Variants in TTC17 observed in about 807,000 individuals in gnomAD.
TTC17 encodes tetratricopeptide repeat protein 17.
Under a neutral mutation model 143.8 loss-of-function variants are expected in TTC17, and 58 were observed. The ratio of observed to expected loss-of-function variants is 0.40; its 90% CI spans 0.33 to 0.50. The LOEUF is 0.50. TTC17 is among the 20% of genes least tolerant of loss of function. TTC17 has a pLI of 0.49. For synonymous variants in TTC17, 501 were observed against 497.8 expected, an observed-to-expected ratio of 1.01 and a Z score of -0.09; for missense variants, 1,273 against 1,392.5, an observed-to-expected ratio of 0.91 and a Z score of 1.37.
At chr11:43,380,543 C>T (rs1856925904) in intron 2 of TTC17, among the ~76,000 whole-genome samples, 1 of 151,658 alleles carries the variant, frequency 6.6e-6, no homozygotes, top group African/African-American at 2.4e-5. Flanking sequence ...GCATGAGTCA[C>T]CGTGCCCGGC....
intron 21 of TTC17, chr11:43,486,402 A>G (rs1256554936): frequency 2.2e-6 from 1 of 453,570 alleles, no homozygotes; most frequent in Non-Finnish European, 4.4e-6. Flanking sequence ...ACTGGATGCT[A>G]TCCATGGTTT....
intron 1 of TTC17, among the ~76,000 whole-genome samples, chr11:43,377,161 C>T (rs1175888345): frequency 6.6e-6 from 1 of 152,100 alleles, no homozygotes; most frequent in South Asian, 2.1e-4. Flanking sequence ...GGCGTAGTGG[C>T]GGACGCCTGT....
chr11:43,401,980 A>AAAATAAATAAATAAATAAAT (rs35991566), intron 10 of TTC17, among the ~76,000 whole-genome samples: 2 of 140,366 alleles, frequency 1.4e-5, no homozygotes. Flanking sequence ...TGTGTCTCAA[A>AAAATAAATAAATAAATAAAT]AAATAAATAA....
At chr11:43,444,425 T>C (rs1172862084) in intron 18 of TTC17, 1 of 368,258 alleles carries the variant, frequency 2.7e-6, no homozygotes, top group Non-Finnish European at 4.8e-6. Context: ...ACATTATGTG[T>C]AATAAATCAT....
chr11:43,492,971 A>G (rs1313205022), intron 23 of TTC17, among the ~76,000 whole-genome samples: 1 of 152,264 alleles, frequency 6.6e-6, no homozygotes, highest in African/African-American at 2.4e-5. Context: ...GCCCTGGGCT[A>G]CCAGCTTCAT....
At chr11:43,418,100 T>TA (rs1554991524) in intron 16 of TTC17, among the ~76,000 whole-genome samples, 1 of 152,220 alleles carries the variant, frequency 6.6e-6, no homozygotes, top group African/African-American at 2.4e-5. Flanking sequence ...ATCACTATGC[T>TA]AAAAAAATTT....
At chr11:43,421,205 A>G (rs777745190) in intron 16 of TTC17, among the ~76,000 whole-genome samples, 6 of 152,184 alleles carry the variant, frequency 3.9e-5, no homozygotes, top group Non-Finnish European at 7.4e-5. Context: ...TTTGAACATA[A>G]GACTTGAGGA....
At chr11:43,455,402 A>G (rs545658453) in intron 21 of TTC17, among the ~76,000 whole-genome samples, 13 of 152,178 alleles carry the variant, frequency 8.5e-5, no homozygotes, top group African/African-American at 2.4e-4. Context: ...AAATCAGTAG[A>G]AACAATGCAT....
Position 43,414,726 on chromosome 11 carries a change from G to C in TTC17, c.2201G>C (p.Cys734Ser). ...GAAAACAGCCTGAAGTTGATCCGCT[G>C]TATGCAGTTTTATCCTTTTCTGTAC... is the stretch of plus-strand genomic sequence containing the variant. ...ECENSLKLIR[C>S]MQFYPFLYNI... The change falls in exon 16 of 24, where the codon TGT becomes TCT. Residue 734 changes from cysteine to serine, a missense_variant. By Grantham distance (112) the Cys-to-Ser change is moderately radical. Around this residue, in one of 3 missense-constraint regions of TTC17, gnomAD observed 878 missense variants for 899.8 expected, o/e 0.98. Transcript: ENST00000039989. 6.2e-7 allele frequency: 1 copy of C among 1,613,736 alleles called. No homozygotes were observed. The highest frequency in any genetic ancestry group is 8.5e-7 in the Non-Finnish European group (1 of 1,179,786).
chr11:43,488,799 C>G (rs1948422808), intron 21 of TTC17, among the ~76,000 whole-genome samples: 1 of 152,150 alleles, frequency 6.6e-6, no homozygotes, highest in African/African-American at 2.4e-5. Flanking sequence ...CTCCTGGGCT[C>G]AAGCGATCCT....
intron 5 of TTC17, among the ~76,000 whole-genome samples, chr11:43,395,092 T>C (rs1055189913): frequency 7.9e-5 from 12 of 151,840 alleles, no homozygotes; most frequent in South Asian, 2.1e-4. Flanking sequence ...CAGTAGTTCA[T>C]GTAGAACTTT....
rs1480687838 is a variant in TTC17, at chr11:43,392,080, T to G, written c.663+128T>G. 2.7e-6 allele frequency: 3 copies of G among 1,118,164 alleles called. No homozygotes were observed. The East Asian group carries it at 7.7e-5, about 29-fold the overall frequency. 69.3% of individuals were successfully genotyped at this position (1,118,164 alleles called of 1,614,324 possible). A position where few individuals can be genotyped will look rare whatever the true frequency, so the allele number is the denominator to read the frequency against. Reference sequence around the variant, plus strand: ...TCTAGAAGACGATTTAAAATTACACTTACATTGATGCAAATTGCATAGTTC... The same window carrying G: ...TCTAGAAGACGATTTAAAATTACACGTACATTGATGCAAATTGCATAGTTC... On this transcript the variant is annotated intron_variant, in intron 5 of 23. Coordinates refer to ENST00000039989, the MANE Select transcript of TTC17 (RefSeq NM_018259.6).
chr11:43,415,710 T>C (rs1047728912), intron 16 of TTC17, among the ~76,000 whole-genome samples: 1 of 152,210 alleles, frequency 6.6e-6, no homozygotes, highest in Non-Finnish European at 1.5e-5. Context: ...TGATTCGCTA[T>C]ACCAGACTGC....
chr11:43,401,456 GAT>G lies in TTC17; in HGVS notation c.1233_1234del (p.Ile411MetfsTer9). The G allele has an allele frequency of 6.2e-7, 1 of 1,610,360 alleles. No homozygotes were observed. Among genetic ancestry groups the G allele is most frequent in the Non-Finnish European group, 8.5e-7 (1 of 1,178,420 alleles). ...CCTTTCTTATTCCAGGAAATCATCA[GAT>G]ATGCCGACTGGTCAACCAGCAGCAT... Reference protein sequence around the residue: ...AKEAQLGNHQICRLVNQQHSL... With the variant: ...AKEAQLGNHQXCRLVNQQHSL... On this transcript the variant is annotated frameshift_variant, in exon 10 of 24. Coordinates refer to ENST00000039989, the MANE Select transcript of TTC17 (RefSeq NM_018259.6). LOFTEE classifies it high-confidence loss of function.
chr11:43,391,823 T>C lies in TTC17; in HGVS notation c.534T>C (p.Gly178=). The change falls in exon 5 of 24, where the codon GGT becomes GGC. Residue 178 remains glycine, a splice_region_variant and synonymous_variant. Transcript: ENST00000039989. ...YSIHAFQHLR[G]VQERVNLSAP... is the part of the protein sequence containing the mutation. ...TTGAATCTTTTTCTTCTCTTCAGGGTGTACAGGAGAGAGTTAATCTTTCTG... is the reference window on the plus strand; with the variant it reads ...TTGAATCTTTTTCTTCTCTTCAGGGCGTACAGGAGAGAGTTAATCTTTCTG... 2 of 1,612,408 alleles carry C rather than the reference T, an allele frequency of 1.2e-6. No homozygotes were observed. Among genetic ancestry groups the C allele is most frequent in the Non-Finnish European group, 1.7e-6 (2 of 1,179,636 alleles).
intron 21 of TTC17, among the ~76,000 whole-genome samples, chr11:43,458,280 CT>C (rs1329102400): frequency 3.9e-5 from 6 of 152,148 alleles, no homozygotes; most frequent in Admixed American, 2.0e-4. Flanking sequence ...GGCTCCATCT[CT>C]ACATGGTCTC....
At chr11:43,400,371 G>A (rs1403502520) in intron 9 of TTC17, among the ~76,000 whole-genome samples, 1 of 152,068 alleles carries the variant, frequency 6.6e-6, no homozygotes, top group African/African-American at 2.4e-5. Flanking sequence ...TGGAGATCTT[G>A]TTGAAATGCA....
At chr11:43,367,690 CAG>C (rs1436956057) in intron 1 of TTC17, among the ~76,000 whole-genome samples, 2 of 151,410 alleles carry the variant, frequency 1.3e-5, no homozygotes, top group East Asian at 3.9e-4. Context: ...TCCTTGATAG[CAG>C]AAGTGAAAAC....
intron 16 of TTC17, among the ~76,000 whole-genome samples, chr11:43,428,223 C>A (rs1947073611): frequency 6.6e-6 from 1 of 152,088 alleles, no homozygotes; most frequent in Non-Finnish European, 1.5e-5. Flanking sequence ...GAGTCAGTCT[C>A]AGGAAGTCTG....
Sources: allele counts gnomAD v4.1 joint callset (sites outside exome capture counted in the v4.1 genomes callset), GRCh38; gene constraint gnomAD v4.1.1; regional missense constraint gnomAD v4.1.1; transcripts MANE v1.5; gene names NCBI Gene and HGNC (gene_info 2026-07-23, HGNC 2026-07-21).